The following ZBED3 variants were observed in gnomAD, a reference collection of about 807,000 sequenced individuals.
ZBED3 encodes the protein zinc finger BED domain-containing protein 3.
For synonymous variants in ZBED3, 175 were observed against 180.0 expected (o/e 0.97, Z 0.22); for missense variants, 388 against 362.9 (o/e 1.07, Z -0.56).
chr5:77,072,164 A>G lies in ZBED3; in HGVS notation c.*5010T>C, dbSNP rs1742899857. The stretch of plus-strand genomic sequence containing the variant: ...TTTATAAAAAGAAACCTTTAATACT[A>G]TTTAAACATATAATGACTCCCAGTG... On this transcript the variant is annotated 3_prime_UTR_variant, in exon 3 of 3. Coordinates refer to ENST00000255198, the MANE Select transcript of ZBED3 (RefSeq NM_032367.4). 6.6e-6 allele frequency: 1 copy of G among 152,212 alleles called. No homozygotes were observed. The highest frequency in any genetic ancestry group is 2.4e-5 in the African/African-American group (1 of 41,460). The allele number at this position is 152,212 out of a possible 1,614,324, so 9.4% of individuals were successfully genotyped here. A position where few individuals can be genotyped will look rare whatever the true frequency, so the allele number is the denominator to read the frequency against.
At chr5:77,078,040 T>C (rs6897542) in intron 2 of ZBED3, 145 bp from the exon 3 acceptor site, 209,105 of 540,722 alleles carry the variant, frequency 0.39, 42,232 homozygotes, top group East Asian at 0.54. Flanking sequence ...AGTTTCTTTC[T>C]AATTAATCTT....
In ZBED3 at chr5:77,077,765, G is replaced by T; in HGVS notation, c.114C>A (p.Pro38=). 3 of 1,315,334 alleles carry T rather than the reference G, an allele frequency of 2.3e-6. No individual in the cohort carries two copies. The highest frequency in any genetic ancestry group is 1.9e-6 in the Non-Finnish European group (2 of 1,036,286). The allele number at this position is 1,315,334 out of a possible 1,614,324, so 81.5% of individuals were successfully genotyped here. The change falls in exon 3 of 3, where the codon CCC becomes CCA. Residue 38 remains proline (P), a synonymous_variant. Coordinates refer to ENST00000255198, the MANE Select transcript of ZBED3 (RefSeq NM_032367.4). ...CGGAGTATGGCGCCCCCAGGCGGCC[G>T]GGAGGCGTCGGCGTCGGCGCCGGCC... is the stretch of plus-strand genomic sequence containing the variant. ...GLGPAPTPTP[P]GRLGAPYSEA...
chr5:77,084,476 C>A (rs1425746135), intron 1 of ZBED3, among the ~76,000 whole-genome samples: 1 of 152,284 alleles, frequency 6.6e-6, no homozygotes, highest in African/African-American at 2.4e-5. Context: ...TTCCGCCTTC[C>A]GCCATGACTG....
Position 77,077,142 on chromosome 5 carries a change from C to G in ZBED3, c.*32G>C. The G allele has an allele frequency of 1.5e-6, 2 of 1,365,812 alleles. No individual in the cohort carries two copies. Among genetic ancestry groups the G allele is most frequent in the Non-Finnish European group, 1.9e-6 (2 of 1,059,122 alleles). The allele number at this position is 1,365,812 out of a possible 1,614,324, so 84.6% of individuals were successfully genotyped here. ...AAGGCATTGGCATTGGACGGAGAAGCGCTGTCCTGGGGTGGGGAAGTGGCC... is the reference window on the plus strand; with the variant it reads ...AAGGCATTGGCATTGGACGGAGAAGGGCTGTCCTGGGGTGGGGAAGTGGCC... On this transcript the variant is annotated 3_prime_UTR_variant, in exon 3 of 3. Transcript: ENST00000255198.
intron 1 of ZBED3, chr5:77,080,355 G>A: frequency 2.4e-6 from 1 of 421,456 alleles, no homozygotes; most frequent in South Asian, 1.8e-5. Context: ...TGGGCACAAG[G>A]ATGAGAAGCA....
intron 1 of ZBED3, among the ~76,000 whole-genome samples, chr5:77,082,148 TC>T (rs1318615460): frequency 3.3e-5 from 5 of 151,618 alleles, no homozygotes; most frequent in Non-Finnish European, 5.9e-5. Context: ...GTGCCTATAA[TC>T]CCAGCTACTT....
intron 2 of ZBED3, among the ~76,000 whole-genome samples, chr5:77,078,102 T>G (rs1055484451): frequency 2.0e-5 from 3 of 152,240 alleles, no homozygotes; most frequent in Admixed American, 2.0e-4. Context: ...ATCTAGCCCT[T>G]CCTATACTAG....
chr5:77,083,391 A>G (rs1450771922), intron 1 of ZBED3, among the ~76,000 whole-genome samples: 1 of 152,162 alleles, frequency 6.6e-6, no homozygotes, highest in Non-Finnish European at 1.5e-5. Flanking sequence ...CATCCCATTC[A>G]TCTCCCTGGC....
intron 1 of ZBED3, among the ~76,000 whole-genome samples, chr5:77,084,381 T>G (rs1205562972): frequency 6.6e-6 from 1 of 152,200 alleles, no homozygotes; most frequent in African/African-American, 2.4e-5. Context: ...TCTCACGAGA[T>G]CTGATGGTTT....
chr5:77,081,152 C>G (rs1344601708), intron 1 of ZBED3, among the ~76,000 whole-genome samples: 1 of 152,098 alleles, frequency 6.6e-6, no homozygotes, highest in Non-Finnish European at 1.5e-5. Context: ...CACAACATCA[C>G]TTATATTCAG....
rs371642025 is a variant in ZBED3 at position 77,083,493 on chromosome 5, T to C, written c.-153+3618A>G. ...GCCCACCCGAGTCTCAATCTTCCCA[T>C]CTGTCAAGAGAAATAATAAGATTAT... On this transcript the variant is annotated intron_variant, in intron 1 of 2. Transcript: ENST00000255198. 1.2e-4 allele frequency among the ~76,000 whole-genome samples: 19 copies of C among 152,316 alleles called. 1 individual carries two copies. The East Asian group carries it at 2.1e-3, about 17-fold the overall frequency.
Position 77,077,082 on chromosome 5 carries a change from G to T in ZBED3, c.*92C>A. 1 of 1,001,990 alleles carries T rather than the reference G, an allele frequency of 1.0e-6. No individual in the cohort carries two copies. The highest frequency in any genetic ancestry group is 1.3e-6 in the Non-Finnish European group (1 of 768,426). The allele number at this position is 1,001,990 out of a possible 1,614,324, so 62.1% of individuals were successfully genotyped here. A position where few individuals can be genotyped will look rare whatever the true frequency, so the allele number is the denominator to read the frequency against. On this transcript the variant is annotated 3_prime_UTR_variant, in exon 3 of 3. Transcript: ENST00000255198. ...CCGAGTGAGTAGCGGCTGCGGGCCT[G>T]GCTTCGGTTACGGCTTCGGTCCCAG...
rs1288164676 is a variant in ZBED3, at chr5:77,077,112, G to T, written c.*62C>A. On this transcript the variant is annotated 3_prime_UTR_variant, in exon 3 of 3. Transcript: ENST00000255198. ...CGGTTACGGCTTCGGTCCCAGCGGG[G>T]TCTGAAGGCATTGGCATTGGACGGA... is the stretch of plus-strand genomic sequence containing the variant. The T allele has an allele frequency of 8.1e-7, 1 of 1,236,472 alleles. No homozygotes were observed. Among genetic ancestry groups the T allele is most frequent in the East Asian group, 3.2e-5 (1 of 31,514 alleles). The allele number at this position is 1,236,472 out of a possible 1,614,324, so 76.6% of individuals were successfully genotyped here.
intron 1 of ZBED3, among the ~76,000 whole-genome samples, chr5:77,086,517 A>AT (rs1372080622): frequency 2.6e-5 from 4 of 151,798 alleles, no homozygotes; most frequent in Non-Finnish European, 4.4e-5. Flanking sequence ...GTAAGTATTT[A>AT]TTTTTTTCCT....
rs367919107 is a variant in ZBED3, at chr5:77,077,172, C to T, written c.*2G>A. ...TCCTGGGGTGGGGAAGTGGCCACAC[C>T]CCTACAGGAGGACCTTTGTGATGAC... On this transcript the variant is annotated 3_prime_UTR_variant, in exon 3 of 3. Coordinates refer to ENST00000255198, the MANE Select transcript of ZBED3 (RefSeq NM_032367.4). The T allele has an allele frequency of 2.0e-6, 3 of 1,470,232 alleles. No homozygotes were observed. Among genetic ancestry groups the T allele is most frequent in the Non-Finnish European group, 2.7e-6 (3 of 1,114,408 alleles). 91.1% of individuals were successfully genotyped at this position (1,470,232 alleles called of 1,614,324 possible).
rs1554048062 is a variant in ZBED3 at position 77,076,039 on chromosome 5, A to ATG, written c.*1133_*1134dup. 2.4e-5 allele frequency: 2 copies of ATG among 84,722 alleles called. No homozygotes were observed. The highest frequency in any genetic ancestry group is 5.2e-5 in the Non-Finnish European group (2 of 38,732). 5.2% of individuals were successfully genotyped at this position (84,722 alleles called of 1,614,324 possible). ...TATATATGTATATATATATGTATAT[A>ATG]TGTATATATATATATAATATATACA... On this transcript the variant is annotated 3_prime_UTR_variant, in exon 3 of 3. Transcript: ENST00000255198.
chr5:77,077,036 T>G lies in ZBED3; in HGVS notation c.*138A>C, dbSNP rs990818489. 3.4e-6 allele frequency: 2 copies of G among 591,224 alleles called. No individual in the cohort carries two copies. The highest frequency in any genetic ancestry group is 5.1e-6 in the Non-Finnish European group (2 of 395,754). 36.6% of individuals were successfully genotyped at this position (591,224 alleles called of 1,614,324 possible). On this transcript the variant is annotated 3_prime_UTR_variant, in exon 3 of 3. Transcript: ENST00000255198. ...AGCTGAAGCCTTAGGGTGTGGAAGATCCTACAGTTAGCTGGAGCTTCCGAG... is the reference window on the plus strand; with the variant it reads ...AGCTGAAGCCTTAGGGTGTGGAAGAGCCTACAGTTAGCTGGAGCTTCCGAG...
chr5:77,076,027 A>G lies in ZBED3; in HGVS notation c.*1147T>C, dbSNP rs1201697566. ...TATATATATATGTATATATGTATAT[A>G]TATATGTATATATGTATATATATAT... On this transcript the variant is annotated 3_prime_UTR_variant, in exon 3 of 3. Transcript: ENST00000255198. 7 of 102,398 alleles carry G rather than the reference A, an allele frequency of 6.8e-5. No homozygotes were observed. Among genetic ancestry groups the G allele is most frequent in the Admixed American group, 2.2e-4 (2 of 8,902 alleles). The allele number at this position is 102,398 out of a possible 1,614,324, so 6.3% of individuals were successfully genotyped here.
Position 77,072,155 on chromosome 5 carries a change from T to C in ZBED3, c.*5019A>G, listed in dbSNP as rs1413107007. 3 of 152,178 alleles carry C rather than the reference T, an allele frequency of 2.0e-5. No homozygotes were observed. The highest frequency in any genetic ancestry group is 2.0e-4 in the Admixed American group (3 of 15,284). 9.4% of individuals were successfully genotyped at this position (152,178 alleles called of 1,614,324 possible). ...ATTAAGATTTTTATAAAAAGAAACC[T>C]TTAATACTATTTAAACATATAATGA... On this transcript the variant is annotated 3_prime_UTR_variant, in exon 3 of 3. Transcript: ENST00000255198.
Sources: allele counts gnomAD v4.1 joint callset (sites outside exome capture counted in the v4.1 genomes callset), GRCh38; gene constraint gnomAD v4.1.1; transcripts MANE v1.5; gene names NCBI Gene and HGNC (gene_info 2026-07-23, HGNC 2026-07-21).